Variants in PLXDC2 observed in about 807,000 individuals in gnomAD.
PLXDC2 encodes the protein plexin domain-containing protein 2.
PLXDC2 carries 40 observed loss-of-function variants against 68.9 expected under a neutral mutation model. That is an observed-to-expected ratio of 0.58 (90% CI 0.45 to 0.76). The LOEUF (loss-of-function observed/expected upper bound fraction) is 0.76. Ranked by LOEUF, PLXDC2 falls within the 30% of genes least tolerant of loss-of-function variation. The probability of loss-of-function intolerance (pLI) is 0.00; values close to 1 mark genes in which losing one functional copy is unlikely to be tolerated. For missense variants in PLXDC2, 644 were observed against 661.9 expected (o/e 0.97, Z 0.30); for synonymous variants, 243 against 234.2 (o/e 1.04, Z -0.34).
rs778920851 is a variant in PLXDC2, at chr10:19,873,780, A to G, written c.112+56589A>G. ...ATTTCATTTATTTGGTATCACAAAGATCTATTTCCACTGCAAAGTAAGATT... is the reference window on the plus strand; with the variant it reads ...ATTTCATTTATTTGGTATCACAAAGGTCTATTTCCACTGCAAAGTAAGATT... On this transcript the variant is annotated intron_variant, in intron 1 of 13. Coordinates refer to ENST00000377252, the MANE Select transcript of PLXDC2 (RefSeq NM_032812.9). Among the ~76,000 whole-genome samples the G allele has an allele frequency of 1.7e-4, 26 of 152,248 alleles. 1 individual carries two copies. Among genetic ancestry groups the G allele is most frequent in the Non-Finnish European group, 3.5e-4 (24 of 68,046 alleles).
intron 1 of PLXDC2, among the ~76,000 whole-genome samples, chr10:19,919,878 C>T (rs912194073): frequency 6.6e-6 from 1 of 152,174 alleles, no homozygotes; most frequent in African/African-American, 2.4e-5. Flanking sequence ...GTGTGAACTA[C>T]CTTCTAGTGT....
chr10:20,265,559 T>C (rs1211624078), intron 13 of PLXDC2, among the ~76,000 whole-genome samples: 2 of 152,228 alleles, frequency 1.3e-5, no homozygotes, highest in Non-Finnish European at 2.9e-5. Context: ...ATTTATTGAA[T>C]GTTAAAATAA....
At position 19,824,793 on chromosome 10, in the gene PLXDC2, C is replaced by T. The variant is rs114060033; in HGVS notation, c.112+7602C>T. Among the ~76,000 whole-genome samples the T allele has an allele frequency of 6.0e-3, 921 of 152,272 alleles. 8 individuals carry two copies. The highest frequency in any genetic ancestry group is 0.021 in the African/African-American group (881 of 41,534). On this transcript the variant is annotated intron_variant, in intron 1 of 13. Coordinates refer to ENST00000377252, the MANE Select transcript of PLXDC2 (RefSeq NM_032812.9). ...TGTGTTTATAACCAGACAGTGAACTCATTTCATATTTATTGTTTGGTTTTA... is the reference window on the plus strand; with the variant it reads ...TGTGTTTATAACCAGACAGTGAACTTATTTCATATTTATTGTTTGGTTTTA...
intron 1 of PLXDC2, among the ~76,000 whole-genome samples, chr10:19,885,006 C>T (rs1837814937): frequency 6.6e-6 from 1 of 152,192 alleles, no homozygotes; most frequent in African/African-American, 2.4e-5. Context: ...ACATCCTCTC[C>T]AGCACCTGTT....
intron 13 of PLXDC2, among the ~76,000 whole-genome samples, chr10:20,268,194 T>G (rs1383267800): frequency 6.6e-6 from 1 of 152,200 alleles, no homozygotes; most frequent in Non-Finnish European, 1.5e-5. Context: ...TTCAGGGTCA[T>G]AATTATATTT....
intron 1 of PLXDC2, among the ~76,000 whole-genome samples, chr10:19,969,397 A>G (rs773783929): frequency 1.3e-5 from 2 of 152,242 alleles, no homozygotes; most frequent in African/African-American, 4.8e-5. Flanking sequence ...CTGACATGAT[A>G]TTCCACCAAC....
chr10:20,040,301 C>T (rs555043518), intron 2 of PLXDC2, among the ~76,000 whole-genome samples: 18 of 152,258 alleles, frequency 1.2e-4, no homozygotes, highest in African/African-American at 3.6e-4. Context: ...GACAGATTTT[C>T]GCTGACTCAA....
At chr10:20,149,158 A>C (rs2131799106) in intron 6 of PLXDC2, among the ~76,000 whole-genome samples, 1 of 150,570 alleles carries the variant, frequency 6.6e-6, no homozygotes. Flanking sequence ...GTTTTGTTGT[A>C]CAGATTATTT....
intron 2 of PLXDC2, among the ~76,000 whole-genome samples, chr10:20,044,023 G>T (rs10508608): frequency 0.041 from 6,205 of 151,810 alleles, 151 homozygotes; most frequent in South Asian, 0.074. Context: ...AAGATTCAAG[G>T]TTTCATGGAA....
At chr10:20,224,858 G>A (rs1353157748) in intron 12 of PLXDC2, among the ~76,000 whole-genome samples, 1 of 152,080 alleles carries the variant, frequency 6.6e-6, no homozygotes, top group African/African-American at 2.4e-5. Flanking sequence ...GTTCTTAATT[G>A]TTGATAATAT....
chr10:20,160,482 C>T (rs898172816), intron 6 of PLXDC2, among the ~76,000 whole-genome samples: 2 of 151,942 alleles, frequency 1.3e-5, no homozygotes, highest in Non-Finnish European at 2.9e-5. Context: ...CTTGTTGAAG[C>T]TTGGAAAAGT....
chr10:19,897,239 G>GTTTTT (rs144184807), intron 1 of PLXDC2, among the ~76,000 whole-genome samples: 14 of 139,830 alleles, frequency 1.0e-4, no homozygotes, highest in South Asian at 2.2e-4. Flanking sequence ...TTTTTTTTTT[G>GTTTTT]TTTTTTTTTG....
chr10:20,117,172 A>G (rs1433895027), intron 4 of PLXDC2, among the ~76,000 whole-genome samples: 4 of 152,290 alleles, frequency 2.6e-5, no homozygotes, highest in Non-Finnish European at 4.4e-5. Context: ...TTTCAATAAC[A>G]GTAGCTTCAA....
chr10:20,061,633 T>C (rs1836105831), intron 3 of PLXDC2, among the ~76,000 whole-genome samples: 3 of 152,218 alleles, frequency 2.0e-5, no homozygotes, highest in Admixed American at 6.5e-5. Flanking sequence ...CTGCTTCTCA[T>C]TACACTTCTA....
intron 1 of PLXDC2, among the ~76,000 whole-genome samples, chr10:19,940,289 TA>T (rs1379681312): frequency 2.6e-5 from 4 of 152,050 alleles, no homozygotes; most frequent in Admixed American, 6.6e-5. Flanking sequence ...TATACTCTAA[TA>T]AAAAAAATTT....
chr10:20,039,169 C>A (rs111468260), intron 2 of PLXDC2, among the ~76,000 whole-genome samples: 2 of 152,272 alleles, frequency 1.3e-5, no homozygotes, highest in African/African-American at 4.8e-5. Flanking sequence ...TCCTGATCTA[C>A]CCACAACTAT....
At chr10:20,226,747 C>G (rs1313516377) in intron 12 of PLXDC2, among the ~76,000 whole-genome samples, 1 of 152,160 alleles carries the variant, frequency 6.6e-6, no homozygotes, top group African/African-American at 2.4e-5. Flanking sequence ...CAAAGTAGCT[C>G]TAAATGCACT....
At chr10:19,906,890 C>A (rs1188935170) in intron 1 of PLXDC2, among the ~76,000 whole-genome samples, 2 of 152,096 alleles carry the variant, frequency 1.3e-5, no homozygotes, top group Admixed American at 1.3e-4. Flanking sequence ...AATGTCTATG[C>A]CTCTCATTCT....
Position 20,273,756 on chromosome 10 carries a change from C to T in PLXDC2, c.1474-5947C>T, listed in dbSNP as rs899265166. On this transcript the variant is annotated intron_variant, in intron 13 of 13. Transcript: ENST00000377252. ...GCATGGCCAGGTGCAATGGCTCACG[C>T]GTGTAATCCCCACACTTTGGGAGGC... 6.6e-5 allele frequency among the ~76,000 whole-genome samples: 10 copies of T among 152,140 alleles called. No individual in the cohort carries two copies. The East Asian group carries it at 7.7e-4, about 12-fold the overall frequency.
Sources: allele counts gnomAD v4.1 joint callset (sites outside exome capture counted in the v4.1 genomes callset), GRCh38; gene constraint gnomAD v4.1.1; transcripts MANE v1.5; gene names NCBI Gene and HGNC (gene_info 2026-07-23, HGNC 2026-07-21).